Variants in PHLDB3 observed in about 807,000 individuals in gnomAD.
PHLDB3 encodes the protein pleckstrin homology like domain family B member 3.
In PHLDB3, 86 loss-of-function variants were observed where a neutral mutation model predicts 85.7. The ratio of observed to expected loss-of-function variants is 1.00; its 90% CI spans 0.84 to 1.20. The LOEUF (loss-of-function observed/expected upper bound fraction) is 1.20. Among genes scored for constraint, PHLDB3 ranks in the 50% most tolerant of loss-of-function variants. The pLI is 0.00. For missense variants in PHLDB3, 995 were observed against 873.0 expected, an observed-to-expected ratio of 1.14 and a Z score of -1.76; for synonymous variants, 376 against 349.8, an observed-to-expected ratio of 1.07 and a Z score of -0.83.
chr19:43,500,699 T>A (rs1971566014), intron 4 of PHLDB3, among the ~76,000 whole-genome samples: 1 of 152,158 alleles, frequency 6.6e-6, no homozygotes, highest in Non-Finnish European at 1.5e-5. Flanking sequence ...TGCAATGTTA[T>A]AATCACAGCT....
rs749492650 is a variant in PHLDB3 at position 43,503,962 on chromosome 19, G to A, written c.157C>T (p.Gln53Ter). 14 of 1,613,798 alleles carry A rather than the reference G, an allele frequency of 8.7e-6. No homozygotes were observed. In the Admixed American group the frequency reaches 2.3e-4, roughly 27 times the overall value. The change falls in exon 2 of 16, where the codon CAG becomes TAG. Residue 53 changes from glutamine to a stop codon, truncating the protein, a stop_gained. Transcript: ENST00000292140. LOFTEE classifies it high-confidence loss of function. ...EPSSRGGAEQ[Q>*]AEEEEVGEGS... ...TCTCCCACTTCTTCTTCCTCTGCCT[G>A]CTGCTCAGCTCCCCCGCGGCTCGAA...
At chr19:43,502,457 C>CT (rs10685194) in intron 2 of PHLDB3, among the ~76,000 whole-genome samples, 174 bp from the exon 3 acceptor site, 7,469 of 136,612 alleles carry the variant, frequency 0.055, 307 homozygotes, top group South Asian at 0.074. Flanking sequence ...TCTTTCTTAT[C>CT]TTTTTTTTTT....
chr19:43,502,390 G>A, intron 2 of PHLDB3, 107 bp from the exon 3 acceptor site: 2 of 1,065,424 alleles, frequency 1.9e-6, no homozygotes, highest in East Asian at 5.3e-5. Flanking sequence ...CAGTCCATCA[G>A]TCCACTTACC....
chr19:43,486,924 T>C, intron 10 of PHLDB3, 54 bp from the exon 11 acceptor site: 1 of 1,485,262 alleles, frequency 6.7e-7, no homozygotes, highest in Non-Finnish European at 9.0e-7. Context: ...CCTGAGCCTA[T>C]CCACTTCTCC....
intron 4 of PHLDB3, among the ~76,000 whole-genome samples, chr19:43,500,908 TACC>T (rs1475911675): frequency 4.8e-4 from 4 of 8,316 alleles, no homozygotes; most frequent in Non-Finnish European, 7.8e-4. Flanking sequence ...CCGCCCCCCG[TACC>T]CCCCCCCCAC....
intron 9 of PHLDB3, among the ~76,000 whole-genome samples, chr19:43,490,182 T>C (rs1267173048): frequency 6.6e-6 from 1 of 152,020 alleles, no homozygotes; most frequent in Non-Finnish European, 1.5e-5. Context: ...AAATCGATCA[T>C]TGAACTGTGG....
At chr19:43,483,600 C>CATT (rs1971093461) in intron 13 of PHLDB3, among the ~76,000 whole-genome samples, 2 of 152,062 alleles carry the variant, frequency 1.3e-5, no homozygotes, top group East Asian at 3.9e-4. Context: ...TATAACAAAA[C>CATT]GCATTGATTC....
chr19:43,501,175 C>CTTTTTTTTT (rs59042804), intron 4 of PHLDB3, among the ~76,000 whole-genome samples: 3 of 83,600 alleles, frequency 3.6e-5, no homozygotes, highest in African/African-American at 5.0e-5. Context: ...TTCTTTTTCT[C>CTTTTTTTTT]TTTTTTTTTT....
rs571503710 is a variant in PHLDB3, at chr19:43,504,097, C to T, written c.22G>A (p.Glu8Lys). MGTRSSP[E>K]EGTPPPLVPE... Reference sequence around the variant, plus strand: ...ACCAGCGGCGGCGGGGTCCCCTCCTCGGGGCTGCTTCGCGTCCCCATGGCC... The same window carrying T: ...ACCAGCGGCGGCGGGGTCCCCTCCTTGGGGCTGCTTCGCGTCCCCATGGCC... The change falls in exon 2 of 16, where the codon GAG (glutamate) becomes AAG (lysine). Residue 8 changes from glutamate (E) to lysine (K), a missense_variant. Physicochemically the swap from Glu to Lys is moderately conservative, Grantham distance 56. Coordinates refer to ENST00000292140, the MANE Select transcript of PHLDB3 (RefSeq NM_198850.4). 1.9e-6 allele frequency: 3 copies of T among 1,606,446 alleles called. No homozygotes were observed. Among genetic ancestry groups the T allele is most frequent in the African/African-American group, 2.7e-5 (2 of 74,864 alleles).
chr19:43,483,450 T>A (rs936122908), intron 13 of PHLDB3, among the ~76,000 whole-genome samples: 8 of 151,986 alleles, frequency 5.3e-5, no homozygotes, highest in African/African-American at 1.7e-4. Flanking sequence ...GCTAATTTTT[T>A]AAATTTCTGT....
rs1247556740 is a variant in PHLDB3, at chr19:43,502,135, T to C, written c.362A>G (p.Glu121Gly). 1.3e-6 allele frequency: 2 copies of C among 1,580,556 alleles called. No individual in the cohort carries two copies. The highest frequency in any genetic ancestry group is 2.3e-5 in the South Asian group (2 of 86,200). The stretch of plus-strand genomic sequence containing the variant: ...CAGCTCCTTCCTCTGGCGCTGTAGC[T>C]CCTTCACTCGCTGCTCCATCAGGGC... ...RVALMEQRVK[E>G]LQRQRKELRI... Residue 121 changes from glutamate to glycine, a missense_variant, in exon 3 of 16, where the codon GAG becomes GGG. Transcript: ENST00000292140.
rs1248570317 is a variant in PHLDB3 at position 43,500,909 on chromosome 19, ACC to A, written c.534+823_534+824del. On this transcript the variant is annotated intron_variant, in intron 4 of 15. Transcript: ENST00000292140. ...CCTCCCACTTTGCCCCGCCCCCCGT[ACC>A]CCCCCCCCACCCCGCAAGTACTGGG... is the stretch of plus-strand genomic sequence containing the variant. Among the ~76,000 whole-genome samples the A allele has an allele frequency of 1.2e-4, 2 of 17,152 alleles. 1 individual carries two copies. The highest frequency in any genetic ancestry group is 3.6e-4 in the African/African-American group (2 of 5,620). The allele number at this position is 17,152 out of a possible 152,430, so 11.3% of individuals were successfully genotyped here.
At chr19:43,488,957 G>A (rs1161328292) in intron 9 of PHLDB3, among the ~76,000 whole-genome samples, 3 of 151,934 alleles carry the variant, frequency 2.0e-5, no homozygotes, top group Non-Finnish European at 4.4e-5. Context: ...GTGCCACCAC[G>A]CCAGGCTAAT....
chr19:43,487,650 T>G (rs1048865925), intron 9 of PHLDB3, among the ~76,000 whole-genome samples: 1 of 143,298 alleles, frequency 7.0e-6, no homozygotes, highest in South Asian at 2.2e-4. Context: ...AAATGGGAAG[T>G]AGAATTGTGG....
intron 1 of PHLDB3, 54 bp from the exon 2 acceptor site, chr19:43,504,186 C>A: frequency 6.8e-7 from 1 of 1,463,706 alleles, no homozygotes; most frequent in South Asian, 1.3e-5. Flanking sequence ...GACGGCTGAG[C>A]GCCGCTCGCG....
rs766716660 is a variant in PHLDB3 at position 43,486,592 on chromosome 19, A to G, written c.1428+17T>C. The G allele has an allele frequency of 6.3e-5, 101 of 1,609,102 alleles. No individual in the cohort carries two copies. Among genetic ancestry groups the G allele is most frequent in the Non-Finnish European group, 7.7e-5 (91 of 1,178,488 alleles). On this transcript the variant is annotated intron_variant, in intron 12 of 15. Transcript: ENST00000292140. ...GGGGCAGTCTTCTGTTCCGAAGAGG[A>G]TGGCCTGGGCTCTCACCCGGGCCTT...
At chr19:43,497,059 A>C in intron 6 of PHLDB3, 59 bp downstream of exon 6, 1 of 1,350,828 alleles carries the variant, frequency 7.4e-7, no homozygotes, top group Non-Finnish European at 9.5e-7. Flanking sequence ...AGGCAGGCAC[A>C]GAGCAGGGGA....
chr19:43,488,911 T>G (rs570656978), intron 9 of PHLDB3, among the ~76,000 whole-genome samples: 1 of 152,174 alleles, frequency 6.6e-6, no homozygotes, highest in South Asian at 2.1e-4. Flanking sequence ...GCGATTCTTC[T>G]GCCTCAGCCT....
chr19:43,483,049 G>A (rs1397395973), intron 13 of PHLDB3, among the ~76,000 whole-genome samples: 1 of 152,134 alleles, frequency 6.6e-6, no homozygotes, highest in Non-Finnish European at 1.5e-5. Flanking sequence ...ATGACCCAGG[G>A]TCTAGCACAC....
Sources: gnomAD v4.1 joint callset for allele counts (sites outside exome capture counted in the v4.1 genomes callset) on GRCh38, gnomAD v4.1.1 for gene constraint, MANE v1.5 for transcripts, NCBI Gene and HGNC (gene_info 2026-07-23, HGNC 2026-07-21) for gene names.